The following NARS2 variants were observed in gnomAD, a reference collection of about 807,000 sequenced individuals.
NARS2 encodes the protein asparaginyl-tRNA synthetase 2, mitochondrial.
A neutral mutation model predicts 62.9 loss-of-function variants in NARS2; 60 were observed. The observed-to-expected ratio is 0.95, with a 90% CI of 0.77 to 1.18. The LOEUF is 1.18. NARS2 is among the 50% of genes most tolerant of loss of function. The probability of loss-of-function intolerance (pLI) is 0.00; values close to 1 mark genes in which losing one functional copy is unlikely to be tolerated. For missense variants in NARS2, 619 were observed against 576.4 expected (o/e 1.07, Z -0.76); for synonymous variants, 196 against 200.0 (o/e 0.98, Z 0.17).
rs180790782 is a variant in NARS2 at position 78,540,685 on chromosome 11, T to C, written c.595-11749A>G. On this transcript the variant is annotated intron_variant, in intron 5 of 13. Transcript: ENST00000281038. Reference sequence around the variant, plus strand: ...TAAAAGGTTTAAAATCATAATGGCATGCTATTGTCCTGTTTACCTCAATCT... The same window carrying C: ...TAAAAGGTTTAAAATCATAATGGCACGCTATTGTCCTGTTTACCTCAATCT... 7.2e-5 allele frequency among the ~76,000 whole-genome samples: 11 copies of C among 152,294 alleles called. No individual in the cohort carries two copies. In the East Asian group the frequency reaches 1.5e-3, roughly 21 times the overall value.
At chr11:78,540,731 T>C (rs1195399273) in intron 5 of NARS2, among the ~76,000 whole-genome samples, 1 of 152,152 alleles carries the variant, frequency 6.6e-6, no homozygotes, top group East Asian at 1.9e-4. Context: ...TTGAAGATCA[T>C]GAAGAAAAGG....
chr11:78,537,667 G>A (rs1482527559), intron 5 of NARS2, among the ~76,000 whole-genome samples: 3 of 152,188 alleles, frequency 2.0e-5, no homozygotes, highest in African/African-American at 7.2e-5. Context: ...TGTGCATGGA[G>A]GCACGTGCCT....
At chr11:78,466,425 G>A (rs548539984) in intron 10 of NARS2, among the ~76,000 whole-genome samples, 3 of 152,188 alleles carry the variant, frequency 2.0e-5, no homozygotes, top group African/African-American at 4.8e-5. Context: ...GAAATTAAAT[G>A]ATAGAAGATA....
rs150160616 is a variant in NARS2 at position 78,571,464 on chromosome 11, C to G, written c.142-20G>C. ...CCATCCCTAAGGAAGAGAAATATTTCCAATGTGAGCGTAAAACATTTTACG... is the reference window on the plus strand; with the variant it reads ...CCATCCCTAAGGAAGAGAAATATTTGCAATGTGAGCGTAAAACATTTTACG... On this transcript the variant is annotated intron_variant, in intron 1 of 13. Transcript: ENST00000281038. The G allele has an allele frequency of 8.5e-4, 1,316 of 1,549,058 alleles. 14 individuals are homozygous for G. The East Asian group carries it at 0.026, about 31-fold the overall frequency.
intron 1 of NARS2, among the ~76,000 whole-genome samples, chr11:78,572,797 G>A (rs968259251): frequency 6.6e-6 from 1 of 151,992 alleles, no homozygotes; most frequent in African/African-American, 2.4e-5. Flanking sequence ...AACCTATTAT[G>A]CCCCAAATAT....
At chr11:78,559,500 A>T (rs1856483800) in intron 5 of NARS2, 39 bp downstream of exon 5, 1 of 1,278,410 alleles carries the variant, frequency 7.8e-7, no homozygotes. Flanking sequence ...AAAAATATTA[A>T]ACAGCAATGT....
intron 5 of NARS2, among the ~76,000 whole-genome samples, chr11:78,543,367 C>T (rs4945291): frequency 0.66 from 100,595 of 151,974 alleles, 35,939 homozygotes; most frequent in Non-Finnish European, 0.81. Context: ...CCAACAAAAA[C>T]CAATTTCCCC....
intron 11 of NARS2, among the ~76,000 whole-genome samples, chr11:78,447,634 G>GTA (rs139620050): frequency 0.017 from 2,519 of 152,090 alleles, 59 homozygotes; most frequent in African/African-American, 0.057. Context: ...CAAATATTGT[G>GTA]TATATATATA....
At chr11:78,462,865 C>A (rs185622901) in intron 11 of NARS2, among the ~76,000 whole-genome samples, 78 of 151,268 alleles carry the variant, frequency 5.2e-4, no homozygotes, top group Middle Eastern at 3.4e-3. Context: ...ACTAGTGGGC[C>A]CTAATCTACA....
At chr11:78,487,565 C>G (rs1859634954) in intron 7 of NARS2, among the ~76,000 whole-genome samples, 1 of 151,838 alleles carries the variant, frequency 6.6e-6, no homozygotes, top group Non-Finnish European at 1.5e-5. Context: ...TGGCTGAAAA[C>G]TCCCCCAAGT....
intron 9 of NARS2, among the ~76,000 whole-genome samples, chr11:78,472,421 A>C (rs527857583): frequency 5.3e-5 from 8 of 152,222 alleles, no homozygotes; most frequent in Non-Finnish European, 1.2e-4. Context: ...AATTATTGTC[A>C]TCCTTCGCCT....
At chr11:78,566,759 A>G (rs1260429479) in intron 3 of NARS2, among the ~76,000 whole-genome samples, 1 of 152,214 alleles carries the variant, frequency 6.6e-6, no homozygotes, top group African/African-American at 2.4e-5. Flanking sequence ...TCAACGTGCT[A>G]CTTCCATCTA....
chr11:78,525,275 C>T (rs1316658501), intron 6 of NARS2, among the ~76,000 whole-genome samples: 3 of 151,998 alleles, frequency 2.0e-5, no homozygotes, highest in East Asian at 3.9e-4. Flanking sequence ...CTCGTAAAAG[C>T]TATGGACTTT....
chr11:78,552,171 G>C (rs2135494167), intron 5 of NARS2, among the ~76,000 whole-genome samples: 1 of 152,256 alleles, frequency 6.6e-6, no homozygotes, highest in East Asian at 1.9e-4. Flanking sequence ...GAAGACACCA[G>C]TGTCTGTTGT....
chr11:78,467,378 A>C (rs922638687), intron 10 of NARS2, among the ~76,000 whole-genome samples: 1 of 151,498 alleles, frequency 6.6e-6, no homozygotes, highest in African/African-American at 2.4e-5. Flanking sequence ...CTCTACAAAA[A>C]ATAAAAAAAT....
intron 6 of NARS2, among the ~76,000 whole-genome samples, chr11:78,526,248 A>G (rs766735020): frequency 6.6e-6 from 1 of 152,180 alleles, no homozygotes; most frequent in East Asian, 1.9e-4. Flanking sequence ...CTTTCTATAT[A>G]TTAAAAATTA....
rs140969019 is a variant in NARS2, at chr11:78,446,583, A to C, written c.1165-2825T>G. 5.5e-3 allele frequency among the ~76,000 whole-genome samples: 839 copies of C among 152,308 alleles called. 29 individuals are homozygous for C. Among genetic ancestry groups the C allele is most frequent in the Admixed American group, 0.044 (669 of 15,276 alleles). ...AATTATAGGCAATCAACTTTGGAAA[A>C]GAATAGTCAACCAGTGGCTCTCTGG... is the stretch of plus-strand genomic sequence containing the variant. On this transcript the variant is annotated intron_variant, in intron 11 of 13. Coordinates refer to ENST00000281038, the MANE Select transcript of NARS2 (RefSeq NM_024678.6).
At chr11:78,517,898 A>C (rs896390927) in intron 6 of NARS2, among the ~76,000 whole-genome samples, 8 of 152,152 alleles carry the variant, frequency 5.3e-5, no homozygotes, top group African/African-American at 1.9e-4. Flanking sequence ...TAATTAATAC[A>C]CCCTTTAAAG....
chr11:78,471,455 T>C (rs1417764515), intron 9 of NARS2, among the ~76,000 whole-genome samples: 1 of 152,248 alleles, frequency 6.6e-6, no homozygotes, highest in African/African-American at 2.4e-5. Context: ...TTAATTTTTG[T>C]AATGTATTAT....
Sources: gnomAD v4.1 joint callset for allele counts (sites outside exome capture counted in the v4.1 genomes callset) on GRCh38, gnomAD v4.1.1 for gene constraint, MANE v1.5 for transcripts, NCBI Gene and HGNC (gene_info 2026-07-23, HGNC 2026-07-21) for gene names.